Variants in CACNA1D observed in about 807,000 individuals in gnomAD.
CACNA1D encodes voltage-dependent L-type calcium channel subunit alpha-1D.
A neutral mutation model predicts 257.1 loss-of-function variants in CACNA1D; 55 were observed. The observed-to-expected ratio is 0.21, with a 90% CI of 0.17 to 0.27. The LOEUF is 0.27. CACNA1D is among the 10% of genes least tolerant of loss of function. The probability of loss-of-function intolerance (pLI) is 1.00; values close to 1 mark genes in which losing one functional copy is unlikely to be tolerated. For synonymous variants in CACNA1D, 980 were observed against 1,014.9 expected (o/e 0.97, Z 0.65); for missense variants, 1,876 against 2,784.0 (o/e 0.67, Z 7.34).
intron 18 of CACNA1D, 74 bp from the exon 19 acceptor site, chr3:53,732,741 T>G: frequency 2.1e-6 from 3 of 1,402,486 alleles, no homozygotes; most frequent in Non-Finnish European, 3.0e-6. Context: ...CAAATTTGCA[T>G]GTGAAATTAA....
intron 8 of CACNA1D, among the ~76,000 whole-genome samples, chr3:53,682,365 TAAAAAAAAAAAA>T (rs3082718): frequency 3.8e-4 from 18 of 47,366 alleles, no homozygotes; most frequent in East Asian, 1.9e-3. Context: ...TTGTCTCTGG[TAAAAAAAAAAAA>T]AAAAAAAAAA....
At chr3:53,803,323 G>A (rs921902086) in intron 43 of CACNA1D, 100 bp from the exon 44 acceptor site, 3 of 1,367,328 alleles carry the variant, frequency 2.2e-6, no homozygotes, top group Admixed American at 3.4e-5. Flanking sequence ...GAGAAGCCAG[G>A]AGCACCCGGG....
At position 53,723,572 on chromosome 3, in the gene CACNA1D, C is replaced by T. The variant is rs765798948; in HGVS notation, c.1805C>T (p.Thr602Met). 1.2e-5 allele frequency: 20 copies of T among 1,614,080 alleles called. No homozygotes were observed. The highest frequency in any genetic ancestry group is 6.7e-5 in the East Asian group (3 of 44,880). ...GTGGTGTGTGGTGGAATCACTGAGACGATCTTGGTGGAACTGGAAATCATG... is the reference window on the plus strand; with the variant it reads ...GTGGTGTGTGGTGGAATCACTGAGATGATCTTGGTGGAACTGGAAATCATG... ...CFVVCGGITE[T>M]ILVELEIMSP... Residue 602 changes from threonine to methionine, a missense_variant, in exon 13 of 48, where the codon ACG (threonine) becomes ATG (methionine). Coordinates refer to ENST00000350061, the MANE Select transcript of CACNA1D (RefSeq NM_001128840.3). This position sits in a 1 kb window ranked among gnomAD's most constrained non-coding sequence, Gnocchi z 5.6.
At chr3:53,572,362 GTTTGTTTGTTTGTTTATTTATTTA>G (rs1559859441) in intron 3 of CACNA1D, among the ~76,000 whole-genome samples, 3 of 45,608 alleles carry the variant, frequency 6.6e-5, no homozygotes, top group East Asian at 6.3e-4. Context: ...CCTCTGGTTT[GTTTGTTTGTTTGTTTATTTATTTA>G]TTTATTTATT....
intron 1 of CACNA1D, among the ~76,000 whole-genome samples, chr3:53,496,055 G>A (rs1254671365): frequency 6.6e-6 from 1 of 152,194 alleles, no homozygotes; most frequent in African/African-American, 2.4e-5. Flanking sequence ...ACTCGTCCCC[G>A]CTCCGATTGC....
At chr3:53,727,685 A>C (rs2094949189) in intron 15 of CACNA1D, among the ~76,000 whole-genome samples, 1 of 152,000 alleles carries the variant, frequency 6.6e-6, no homozygotes, top group Non-Finnish European at 1.5e-5. Flanking sequence ...CATGCCTAGC[A>C]CCAGACCTGG....
chr3:53,538,690 A>G (rs371286907), intron 3 of CACNA1D, among the ~76,000 whole-genome samples: 4 of 152,146 alleles, frequency 2.6e-5, no homozygotes, highest in African/African-American at 9.7e-5. Flanking sequence ...TTCTGGTACA[A>G]CAAGATGTTT....
chr3:53,732,949 A>G lies in CACNA1D; in HGVS notation c.2608A>G (p.Ser870Gly), dbSNP rs2108772216. The G allele has an allele frequency of 6.2e-7, 1 of 1,613,980 alleles. No homozygotes were observed. Among genetic ancestry groups the G allele is most frequent in the South Asian group, 1.1e-5 (1 of 91,076 alleles). Residue 870 changes from serine to glycine, a missense_variant, in exon 19 of 48, where the codon AGC becomes GGC. This residue lies in a region of CACNA1D where 271 missense variants were observed against 425.5 expected (regional missense o/e 0.64). Transcript: ENST00000350061. ...IPEGSAFFIL[S>G]KTNPIRVGCH... ...TGAAGGGAGCGCTTTCTTCATTCTT[A>G]GCAAGACCAACCCGTAAATACTCCC...
chr3:53,710,472 G>A (rs183736607), intron 9 of CACNA1D: 3 of 456,652 alleles, frequency 6.6e-6, no homozygotes, highest in African/African-American at 4.0e-5. Flanking sequence ...CAGGGCTAAA[G>A]ATCATGGTAA....
chr3:53,651,674 G>A (rs2094098780), intron 4 of CACNA1D, among the ~76,000 whole-genome samples: 1 of 152,156 alleles, frequency 6.6e-6, no homozygotes, highest in East Asian at 1.9e-4. Flanking sequence ...TGGGTCTTTG[G>A]ACCAAATACC....
intron 3 of CACNA1D, among the ~76,000 whole-genome samples, chr3:53,522,607 T>C (rs2091621575): frequency 6.6e-6 from 1 of 152,218 alleles, no homozygotes; most frequent in African/African-American, 2.4e-5. Flanking sequence ...TGATCTACTC[T>C]TTGGACTAGG....
intron 8 of CACNA1D, among the ~76,000 whole-genome samples, chr3:53,681,655 G>T (rs1379993562): frequency 6.6e-6 from 1 of 152,164 alleles, no homozygotes; most frequent in Non-Finnish European, 1.5e-5. Context: ...TGACAGTGTG[G>T]AATGAAATGG....
At chr3:53,688,961 T>G (rs2094496515) in intron 8 of CACNA1D, among the ~76,000 whole-genome samples, 1 of 152,184 alleles carries the variant, frequency 6.6e-6, no homozygotes, top group Middle Eastern at 3.4e-3. Context: ...GACTATTACT[T>G]ACAAACAGGC....
At chr3:53,648,303 A>G (rs999868086) in intron 3 of CACNA1D, among the ~76,000 whole-genome samples, 3 of 152,186 alleles carry the variant, frequency 2.0e-5, no homozygotes, top group African/African-American at 4.8e-5. Context: ...TTAAGTCTCA[A>G]ACATATTGAC....
At position 53,766,481 on chromosome 3, in the gene CACNA1D, G is replaced by A. The variant is rs915568142; in HGVS notation, c.3871-3492G>A. Among the ~76,000 whole-genome samples, 4 of 152,244 alleles carry A rather than the reference G, an allele frequency of 2.6e-5. No individual in the cohort carries two copies. In the South Asian group the frequency reaches 8.3e-4, roughly 31 times the overall value. ...GCTGGTTTGCTTCCTATCTGAATTA[G>A]AAAGCTGCATCCTCTCAGCTCTTCC... is the stretch of plus-strand genomic sequence containing the variant. On this transcript the variant is annotated intron_variant, in intron 30 of 47. Coordinates refer to ENST00000350061, the MANE Select transcript of CACNA1D (RefSeq NM_001128840.3).
rs2094530374 is a variant in CACNA1D at position 53,691,880 on chromosome 3, A to AT, written c.1221-10761_1221-10760insT. ...AATATATATTATATATATTACATAT[A>AT]ATATATATTATATATATTACATATA... On this transcript the variant is annotated intron_variant, in intron 8 of 47. Transcript: ENST00000350061. 5.5e-5 allele frequency among the ~76,000 whole-genome samples: 6 copies of AT among 109,524 alleles called. 1 individual carries two copies. In the South Asian group the frequency reaches 1.6e-3, roughly 29 times the overall value. The allele number at this position is 109,524 out of a possible 152,430, so 71.9% of individuals were successfully genotyped here. A position where few individuals can be genotyped will look rare whatever the true frequency, so the allele number is the denominator to read the frequency against.
At chr3:53,749,053 C>T (rs2095199878) in intron 26 of CACNA1D, 5 of 691,172 alleles carry the variant, frequency 7.2e-6, no homozygotes, top group Admixed American at 6.1e-5. Flanking sequence ...AACAGTCCCT[C>T]GATGATGATA....
chr3:53,772,927 G>A (rs769744108), intron 33 of CACNA1D, 29 bp downstream of exon 33: 20 of 1,588,154 alleles, frequency 1.3e-5, no homozygotes, highest in Non-Finnish European at 1.6e-5. Context: ...GCCCTCAGGG[G>A]CCCTTTCACT....
chr3:53,587,877 T>C (rs1455741406), intron 3 of CACNA1D, among the ~76,000 whole-genome samples: 1 of 152,196 alleles, frequency 6.6e-6, no homozygotes, highest in Admixed American at 6.5e-5. Flanking sequence ...CCAGTGATGG[T>C]GATCTCAGAA....
Sources: allele counts gnomAD v4.1 joint callset (sites outside exome capture counted in the v4.1 genomes callset), GRCh38; gene constraint gnomAD v4.1.1; regional missense constraint gnomAD v4.1.1; non-coding constraint Gnocchi (gnomAD v3.1); transcripts MANE v1.5; gene names NCBI Gene and HGNC (gene_info 2026-07-23, HGNC 2026-07-21).